Variants in MAN2B2 observed in about 807,000 individuals in gnomAD.
MAN2B2 encodes epididymis-specific alpha-mannosidase.
MAN2B2 carries 106 observed loss-of-function variants against 117.1 expected under a neutral mutation model. That is an observed-to-expected ratio of 0.90 (90% CI 0.77 to 1.06). MAN2B2 has a LOEUF of 1.06. Among genes scored for constraint, MAN2B2 ranks in the 50% least tolerant of loss-of-function variants. MAN2B2 has a pLI of 0.00. For synonymous variants in MAN2B2, 544 were observed against 595.1 expected (o/e 0.91, Z 1.25); for missense variants, 1,326 against 1,381.4 (o/e 0.96, Z 0.64).
At chr4:6,604,337 G>A (rs1388771162) in intron 10 of MAN2B2, among the ~76,000 whole-genome samples, 1 of 152,070 alleles carries the variant, frequency 6.6e-6, no homozygotes, top group African/African-American at 2.4e-5. Flanking sequence ...CAGTGCAGAT[G>A]CTGGGCAGTT....
chr4:6,577,799 T>C (rs892494194), intron 2 of MAN2B2, among the ~76,000 whole-genome samples: 3 of 152,202 alleles, frequency 2.0e-5, no homozygotes, highest in Admixed American at 2.0e-4. Context: ...ACAGGAAACT[T>C]GTGGCAGAGC....
chr4:6,602,506 A>C (rs1289954790), intron 10 of MAN2B2, among the ~76,000 whole-genome samples: 1 of 151,878 alleles, frequency 6.6e-6, no homozygotes, highest in Non-Finnish European at 1.5e-5. Context: ...CCAAGGCCCC[A>C]CTCCTAAGTG....
At position 6,622,652 on chromosome 4, in the gene MAN2B2, T is replaced by G. The variant is rs1384939631; in HGVS notation, c.*1367T>G. 1 of 152,208 alleles carries G rather than the reference T, an allele frequency of 6.6e-6. No individual in the cohort carries two copies. Among genetic ancestry groups the G allele is most frequent in the Non-Finnish European group, 1.5e-5 (1 of 68,074 alleles). The allele number at this position is 152,208 out of a possible 1,614,324, so 9.4% of individuals were successfully genotyped here. On this transcript the variant is annotated 3_prime_UTR_variant, in exon 19 of 19. Transcript: ENST00000285599. Reference sequence around the variant, plus strand: ...GGATTCACCATGTTGGCCAGGCTGATCTGGAACTCCTGACCTCAGGTGATC... The same window carrying G: ...GGATTCACCATGTTGGCCAGGCTGAGCTGGAACTCCTGACCTCAGGTGATC...
At chr4:6,608,460 A>G (rs1213345409) in intron 11 of MAN2B2, among the ~76,000 whole-genome samples, 2 of 152,222 alleles carry the variant, frequency 1.3e-5, no homozygotes, top group African/African-American at 4.8e-5. Flanking sequence ...GCATTTTACA[A>G]TTAAAATACT....
chr4:6,613,821 G>GAAA (rs1711711805), intron 15 of MAN2B2, among the ~76,000 whole-genome samples: 1 of 130,026 alleles, frequency 7.7e-6, no homozygotes, highest in Non-Finnish European at 1.6e-5. Flanking sequence ...AGGAAGGAAG[G>GAAA]AAGGAAGGAA....
chr4:6,615,985 A>T (rs1224774799), intron 16 of MAN2B2, among the ~76,000 whole-genome samples: 1 of 151,994 alleles, frequency 6.6e-6, no homozygotes, highest in Non-Finnish European at 1.5e-5. Context: ...TGTATTTTTA[A>T]TAGAGACAGG....
At chr4:6,598,105 A>G in intron 8 of MAN2B2, 93 bp from the exon 9 acceptor site, 1 of 1,424,540 alleles carries the variant, frequency 7.0e-7, no homozygotes, top group Non-Finnish European at 9.6e-7. Flanking sequence ...CTGGCAAGCC[A>G]GAATGAGAGC....
intron 3 of MAN2B2, among the ~76,000 whole-genome samples, chr4:6,581,176 CCCA>C (rs2108859398): frequency 6.6e-6 from 1 of 152,206 alleles, no homozygotes; most frequent in Admixed American, 6.5e-5. Context: ...TCCAAATGTG[CCCA>C]CCACCAGCTA....
At chr4:6,598,046 G>C (rs912347854) in intron 8 of MAN2B2, 152 bp from the exon 9 acceptor site, 13 of 802,366 alleles carry the variant, frequency 1.6e-5, no homozygotes, top group Non-Finnish European at 2.5e-5. Context: ...CTTGGCCTCA[G>C]TTCCTCCTTC....
intron 16 of MAN2B2, among the ~76,000 whole-genome samples, chr4:6,614,739 T>C (rs1711779874): frequency 1.3e-5 from 2 of 152,316 alleles, no homozygotes; most frequent in Admixed American, 6.5e-5. Context: ...ATCCTCCAAG[T>C]TCAGGCAGCC....
chr4:6,620,988 C>T (rs1022709420), intron 18 of MAN2B2, 200 bp from the exon 19 acceptor site: 19 of 543,140 alleles, frequency 3.5e-5, no homozygotes, highest in African/African-American at 1.3e-4. Flanking sequence ...GCCGTTGCCA[C>T]GGTGGGAGCC....
In MAN2B2 at chr4:6,611,058, G is replaced by A. The variant is rs376711884; in HGVS notation, c.2371-28G>A. 4.6e-5 allele frequency: 74 copies of A among 1,611,666 alleles called. 1 individual carries two copies. The Middle Eastern group carries it at 9.9e-4, about 22-fold the overall frequency. On this transcript the variant is annotated intron_variant, in intron 14 of 18. Coordinates refer to ENST00000285599, the MANE Select transcript of MAN2B2 (RefSeq NM_015274.3). The stretch of plus-strand genomic sequence containing the variant: ...CTACAGGCATGCCCAGGTGCAAGCC[G>A]GGCCTCTCGGACAATGCCTTCCCGC...
At chr4:6,598,458 A>T in intron 9 of MAN2B2, 104 bp downstream of exon 9, 1 of 1,232,506 alleles carries the variant, frequency 8.1e-7, no homozygotes, top group African/African-American at 1.5e-5. Flanking sequence ...CTGAGTCCAC[A>T]TCACCCATAT....
chr4:6,610,892 A>T lies in MAN2B2; in HGVS notation c.2272A>T (p.Met758Leu). The T allele has an allele frequency of 6.2e-7, 1 of 1,614,082 alleles. No individual in the cohort carries two copies. The highest frequency in any genetic ancestry group is 8.5e-7 in the Non-Finnish European group (1 of 1,179,972). Residue 758 changes from methionine to leucine, a missense_variant, in exon 14 of 19, where the codon ATG becomes TTG. Physicochemically the swap from Met to Leu is conservative, Grantham distance 15 (BLOSUM62 2). Transcript: ENST00000285599. ...NNSIARNYYPMVQSAFMEDGK... is the reference protein window; with the variant it reads ...NNSIARNYYPLVQSAFMEDGK... ...TTTCTGTCTGCAGAATTACTACCCCATGGTTCAGTCGGCCTTCATGGAGGA... is the reference window on the plus strand; with the variant it reads ...TTTCTGTCTGCAGAATTACTACCCCTTGGTTCAGTCGGCCTTCATGGAGGA...
intron 5 of MAN2B2, among the ~76,000 whole-genome samples, chr4:6,591,792 G>A (rs955106178): frequency 3.9e-5 from 6 of 152,080 alleles, no homozygotes; most frequent in East Asian, 1.9e-4. Context: ...AGGACCCCCC[G>A]GGGGCAGAGA....
At chr4:6,595,741 A>G (rs535977500) in intron 7 of MAN2B2, among the ~76,000 whole-genome samples, 6 of 152,354 alleles carry the variant, frequency 3.9e-5, no homozygotes, top group African/African-American at 1.2e-4. Context: ...CATTCAAACC[A>G]TAACATTTCC....
intron 3 of MAN2B2, among the ~76,000 whole-genome samples, chr4:6,579,141 T>TCACCATCACCAGCAC: frequency 4.2e-5 from 1 of 23,986 alleles, no homozygotes; most frequent in South Asian, 1.9e-3. Flanking sequence ...ACCACCACCA[T>TCACCATCACCAGCAC]CACCACCACC....
At position 6,578,397 on chromosome 4, in the gene MAN2B2, G is replaced by A. The variant is rs114307861; in HGVS notation, c.290G>A (p.Arg97His). 2,853 of 1,612,360 alleles carry A rather than the reference G, an allele frequency of 1.8e-3. 44 individuals are homozygous for A. The African/African-American group carries it at 0.033, about 19-fold the overall frequency. Residue 97 changes from arginine to histidine, a missense_variant, in exon 3 of 19, where the codon CGC becomes CAC. Transcript: ENST00000285599. ...TCTCTGCCTGCCCATGTCAAGGTCC[G>A]CCAGCTCCTGGAGGAAGGACGCCTG... ...VASDQQKYQV[R>H]QLLEEGRLEF...
intron 3 of MAN2B2, among the ~76,000 whole-genome samples, chr4:6,582,555 G>A (rs1306784335): frequency 4.6e-5 from 7 of 152,092 alleles, no homozygotes; most frequent in Non-Finnish European, 7.4e-5. Flanking sequence ...GGCCAGGCTG[G>A]TCTTGAACTC....
Sources: gnomAD v4.1 joint callset for allele counts (sites outside exome capture counted in the v4.1 genomes callset) on GRCh38, gnomAD v4.1.1 for gene constraint, MANE v1.5 for transcripts, NCBI Gene and HGNC (gene_info 2026-07-23, HGNC 2026-07-21) for gene names.